TEKT1: variants seen among roughly 807,000 people sequenced by gnomAD.
The protein encoded by TEKT1 is tektin 1, also known as tektin-1.
In TEKT1, 32 loss-of-function variants were observed where a neutral mutation model predicts 34.8. That is an observed-to-expected ratio of 0.92 (90% CI 0.69 to 1.23). The LOEUF (loss-of-function observed/expected upper bound fraction) is 1.23, where lower values mean the gene tolerates loss of function less well. Ranked by LOEUF, TEKT1 falls within the 50% of genes most tolerant of loss-of-function variation. The pLI, the probability that TEKT1 is intolerant of heterozygous loss-of-function variation, is 0.00. For synonymous variants in TEKT1, 207 were observed against 199.8 expected (o/e 1.04, Z -0.30); for missense variants, 492 against 518.5 (o/e 0.95, Z 0.50).
At chr17:6,822,793 T>G (rs9899579) in intron 2 of TEKT1, among the ~76,000 whole-genome samples, 9,355 of 152,264 alleles carry the variant, frequency 0.061, 817 homozygotes, top group African/African-American at 0.19. Context: ...TGCCATGTTA[T>G]TGGCTTTCCT....
At chr17:6,828,834 T>C (rs1290853207) in intron 2 of TEKT1, among the ~76,000 whole-genome samples, 1 of 152,140 alleles carries the variant, frequency 6.6e-6, no homozygotes, top group East Asian at 1.9e-4. Flanking sequence ...TCCTGAGATC[T>C]TTGCTAAAGA....
At chr17:6,812,018 A>C (rs1003588249) in intron 6 of TEKT1, among the ~76,000 whole-genome samples, 11 of 151,974 alleles carry the variant, frequency 7.2e-5, no homozygotes, top group African/African-American at 2.4e-4. Flanking sequence ...TAATCCCCAC[A>C]TGTTGAGGGA....
Position 6,830,218 on chromosome 17 carries a change from T to C in TEKT1, c.159A>G (p.Arg53=). ...TCTTGTTCACATCGCTTTGAGATTT[T>C]CTTGTGGTCTTTTCAATTTCATCCA... ...RLVDEIEKTT[R]KSQSDVNKKL... The change falls in exon 2 of 8, where the codon AGA becomes AGG. Residue 53 remains arginine (R), a synonymous_variant. Coordinates refer to ENST00000338694, the MANE Select transcript of TEKT1 (RefSeq NM_053285.2). 6.2e-7 allele frequency: 1 copy of C among 1,609,968 alleles called. No homozygotes were observed. The highest frequency in any genetic ancestry group is 8.5e-7 in the Non-Finnish European group (1 of 1,179,222).
rs1976983432 is a variant in TEKT1 at position 6,814,960 on chromosome 17, T to C, written c.629+203A>G. The C allele has an allele frequency of 1.3e-5, 7 of 559,072 alleles. No individual in the cohort carries two copies. The East Asian group carries it at 2.1e-4, about 17-fold the overall frequency. 34.6% of individuals were successfully genotyped at this position (559,072 alleles called of 1,614,324 possible). A position where few individuals can be genotyped will look rare whatever the true frequency, so the allele number is the denominator to read the frequency against. On this transcript the variant is annotated intron_variant, in intron 5 of 7. Transcript: ENST00000338694. Reference sequence around the variant, plus strand: ...ATTCTTTAAAGGTTTAAAGGTTTTATGTCAGACTTTCTTAGTTAGTGAGCC... The same window carrying C: ...ATTCTTTAAAGGTTTAAAGGTTTTACGTCAGACTTTCTTAGTTAGTGAGCC...
At position 6,830,466 on chromosome 17, in the gene TEKT1, A is replaced by G; in HGVS notation, c.-17-73T>C. The G allele has an allele frequency of 2.9e-6, 3 of 1,036,696 alleles. 1 individual carries two copies. Among genetic ancestry groups the G allele is most frequent in the South Asian group, 3.6e-5 (2 of 55,672 alleles). The allele number at this position is 1,036,696 out of a possible 1,614,324, so 64.2% of individuals were successfully genotyped here. On this transcript the variant is annotated intron_variant, in intron 1 of 7. Transcript: ENST00000338694. ...TTTTTATGATAATTTTTATTCAAGG[A>G]TGACATATATACGGAAAATTGCATA...
Position 6,815,147 on chromosome 17 carries a change from G to A in TEKT1, c.629+16C>T, listed in dbSNP as rs368017581. On this transcript the variant is annotated intron_variant, in intron 5 of 7. Transcript: ENST00000338694. Reference sequence around the variant, plus strand: ...CTGGGTCACCCGCGAGGAGGAAGACGGCAAGGCCCACTCACTTTGGCTCAA... The same window carrying A: ...CTGGGTCACCCGCGAGGAGGAAGACAGCAAGGCCCACTCACTTTGGCTCAA... 110 of 1,601,190 alleles carry A rather than the reference G, an allele frequency of 6.9e-5. 3 individuals are homozygous for A. The Middle Eastern group carries it at 8.4e-4, about 12-fold the overall frequency.
At chr17:6,819,551 G>A (rs1290380263) in intron 2 of TEKT1, among the ~76,000 whole-genome samples, 193 bp from the exon 3 acceptor site, 1 of 152,154 alleles carries the variant, frequency 6.6e-6, no homozygotes, top group Non-Finnish European at 1.5e-5. Flanking sequence ...TTTTCTTACA[G>A]TCCACATCAG....
Position 6,829,082 on chromosome 17 carries a change from C to T in TEKT1, c.190+1105G>A, listed in dbSNP as rs147967118. On this transcript the variant is annotated intron_variant, in intron 2 of 7. Coordinates refer to ENST00000338694, the MANE Select transcript of TEKT1 (RefSeq NM_053285.2). The stretch of plus-strand genomic sequence containing the variant: ...AGGAGAAGCGCTCGAACCTGGAAGG[C>T]AGAGATTGCAGTGAGCTGAGATTGT... 7.2e-5 allele frequency among the ~76,000 whole-genome samples: 11 copies of T among 152,230 alleles called. No homozygotes were observed. The East Asian group carries it at 2.1e-3, about 29-fold the overall frequency.
At chr17:6,807,839 A>G (rs1011664982) in intron 6 of TEKT1, among the ~76,000 whole-genome samples, 1 of 152,146 alleles carries the variant, frequency 6.6e-6, no homozygotes, top group Non-Finnish European at 1.5e-5. Flanking sequence ...GTTTTGTTTC[A>G]GAGGAGTACC....
intron 2 of TEKT1, among the ~76,000 whole-genome samples, chr17:6,827,459 T>G (rs1904443403): frequency 6.6e-6 from 1 of 152,146 alleles, no homozygotes; most frequent in African/African-American, 2.4e-5. Flanking sequence ...AGACAGGGTT[T>G]CACCATGTTG....
intron 6 of TEKT1, among the ~76,000 whole-genome samples, chr17:6,809,071 C>T (rs951425146): frequency 6.6e-6 from 1 of 152,066 alleles, no homozygotes; most frequent in South Asian, 2.1e-4. Context: ...TATGCTTTCT[C>T]CCCCCATCCA....
intron 6 of TEKT1, among the ~76,000 whole-genome samples, chr17:6,806,941 G>A (rs2151583149): frequency 6.6e-6 from 1 of 152,238 alleles, no homozygotes; most frequent in Non-Finnish European, 1.5e-5. Flanking sequence ...TGACAATTAT[G>A]TGTCTTGGAG....
At chr17:6,827,079 G>A (rs1904429964) in intron 2 of TEKT1, among the ~76,000 whole-genome samples, 1 of 152,048 alleles carries the variant, frequency 6.6e-6, no homozygotes. Flanking sequence ...GTGTTGCTTT[G>A]TCATACTCAG....
chr17:6,830,028 A>T (rs1318772705), intron 2 of TEKT1, among the ~76,000 whole-genome samples, 159 bp downstream of exon 2: 1 of 152,214 alleles, frequency 6.6e-6, no homozygotes, highest in East Asian at 1.9e-4. Flanking sequence ...CCTTGTGTCT[A>T]TCTTAGGGCA....
chr17:6,823,211 T>C lies in TEKT1; in HGVS notation c.191-3853A>G, dbSNP rs190516620. Among the ~76,000 whole-genome samples, 5 of 152,318 alleles carry C rather than the reference T, an allele frequency of 3.3e-5. No individual in the cohort carries two copies. The East Asian group carries it at 9.6e-4, about 29-fold the overall frequency. On this transcript the variant is annotated intron_variant, in intron 2 of 7. Coordinates refer to ENST00000338694, the MANE Select transcript of TEKT1 (RefSeq NM_053285.2). ...TCTTTATAAAGACTTTCAACCAATC[T>C]TGTTTCTGGTTCTATCCTGACCCTC...
chr17:6,815,125 G>A (rs1976985486), intron 5 of TEKT1, 38 bp downstream of exon 5: 1 of 1,580,272 alleles, frequency 6.3e-7, no homozygotes, highest in Non-Finnish European at 8.6e-7. Context: ...AGAAGCACTG[G>A]GTCACCCGCG....
At chr17:6,812,430 T>A (rs533167432) in intron 6 of TEKT1, among the ~76,000 whole-genome samples, 24 of 152,212 alleles carry the variant, frequency 1.6e-4, no homozygotes, top group Non-Finnish European at 2.9e-4. Flanking sequence ...CTGCATCAAC[T>A]CCTGTAACTT....
chr17:6,824,682 A>T (rs1252267411), intron 2 of TEKT1, among the ~76,000 whole-genome samples: 2 of 152,338 alleles, frequency 1.3e-5, no homozygotes, highest in African/African-American at 2.4e-5. Context: ...AGTAGAATGT[A>T]TCAGTCTTTT....
intron 2 of TEKT1, among the ~76,000 whole-genome samples, chr17:6,829,193 G>C (rs1904493737): frequency 6.6e-6 from 1 of 152,162 alleles, no homozygotes; most frequent in Non-Finnish European, 1.5e-5. Flanking sequence ...GAATTGTCAA[G>C]AGAAAATGAC....
Sources: allele counts gnomAD v4.1 joint callset (sites outside exome capture counted in the v4.1 genomes callset), GRCh38; gene constraint gnomAD v4.1.1; transcripts MANE v1.5; gene names NCBI Gene and HGNC (gene_info 2026-07-23, HGNC 2026-07-21).